DUOX2: variants seen among roughly 807,000 people sequenced by gnomAD.
DUOX2 encodes the protein dual oxidase 2.
A neutral mutation model predicts 183.3 loss-of-function variants in DUOX2; 185 were observed. That is an observed-to-expected ratio of 1.01 (90% confidence interval 0.90 to 1.14). The LOEUF (loss-of-function observed/expected upper bound fraction) is 1.14. Ranked by LOEUF, DUOX2 falls within the 50% of genes most tolerant of loss-of-function variation. The pLI is 0.00. For missense variants in DUOX2, 1,999 were observed against 2,022.9 expected (o/e 0.99, Z 0.23); for synonymous variants, 788 against 812.4 (o/e 0.97, Z 0.51).
chr15:45,101,156 T>G (rs1894071033), intron 22 of DUOX2, 49 bp downstream of exon 22: 1 of 1,550,188 alleles, frequency 6.5e-7, no homozygotes, highest in Non-Finnish European at 8.9e-7. Context: ...TTCATTTCTC[T>G]GCAGGGGGCT....
At chr15:45,107,850 C>CAAAA (rs36025213) in intron 13 of DUOX2, among the ~76,000 whole-genome samples, 197 bp downstream of exon 13, 10 of 48,788 alleles carry the variant, frequency 2.0e-4, no homozygotes, top group African/African-American at 4.8e-4. Flanking sequence ...GACTCTGCCT[C>CAAAA]AAAAAAAAAA....
rs1017335271 is a variant in DUOX2 at position 45,104,244 on chromosome 15, G to A, written c.2456C>T (p.Pro819Leu). 1 of 1,614,072 alleles carries A rather than the reference G, an allele frequency of 6.2e-7. No homozygotes were observed. Among genetic ancestry groups the A allele is most frequent in the Admixed American group, 1.7e-5 (1 of 60,016 alleles). ...CATGGACTCCACAAACATGTCCTGG[G>A]GCTTGAGGCCCAGGGACTCGGCAAA... ...AEFAESLGLK[P>L]QDMFVESMFS... Residue 819 changes from proline (P) to leucine (L), a missense_variant, in exon 19 of 34, where the codon CCC (proline) becomes CTC (leucine). By Grantham distance (98) the Pro-to-Leu change is moderately conservative. Around this residue, in one of 3 missense-constraint regions of DUOX2, gnomAD observed 1,628 missense variants for 1,608.6 expected, o/e 1.01. Transcript: ENST00000389039.
Position 45,100,777 on chromosome 15 carries a change from G to C in DUOX2, c.2983C>G (p.Leu995Val). Residue 995 changes from leucine to valine, a missense_variant, in exon 23 of 34, where the codon CTG becomes GTG. Transcript: ENST00000389039. ...CACTTTTTGCCAAACCTCTTCTTCA[G>C]TCCAGGGCCTCCCAGCTCTGGGGCT... ...PEAPELGGPG[L>V]KKRFGKKAAV... The C allele has an allele frequency of 6.2e-7, 1 of 1,614,114 alleles. No individual in the cohort carries two copies. Among genetic ancestry groups the C allele is most frequent in the Non-Finnish European group, 8.5e-7 (1 of 1,179,984 alleles).
chr15:45,103,881 C>T (rs1158623222), intron 20 of DUOX2, 79 bp downstream of exon 20: 13 of 1,490,036 alleles, frequency 8.7e-6, no homozygotes, highest in Non-Finnish European at 1.1e-5. Context: ...GCCTCTTTGC[C>T]AGCCCTCCTC....
rs777683363 is a variant in DUOX2, at chr15:45,105,748, GC to G, written c.2228del (p.Gly743AlafsTer7). The G allele has an allele frequency of 6.2e-7, 1 of 1,614,212 alleles. No individual in the cohort carries two copies. Among genetic ancestry groups the G allele is most frequent in the South Asian group, 1.1e-5 (1 of 91,084 alleles). On this transcript the variant is annotated frameshift_variant, in exon 18 of 34. Transcript: ENST00000389039. LOFTEE classifies it high-confidence loss of function. ...TCTCGCTCATCTCAGCCACATGGAG[GC>G]CCAGAGCCCAGCGCACGCAGAAGTC... The part of the protein sequence containing the change: ...LWDFCVRWAL[G>X]LHVAEMSEKE...
chr15:45,095,374 C>G (rs1893872517), intron 31 of DUOX2, 63 bp downstream of exon 31: 2 of 1,607,184 alleles, frequency 1.2e-6, no homozygotes, highest in African/African-American at 1.3e-5. Flanking sequence ...TGCTCCACCA[C>G]TTGATGCGGG....
Position 45,101,841 on chromosome 15 carries a change from G to A in DUOX2, c.2803C>T (p.Leu935Phe), listed in dbSNP as rs767244088. 12 of 1,614,096 alleles carry A rather than the reference G, an allele frequency of 7.4e-6. No homozygotes were observed. In the South Asian group the frequency reaches 9.9e-5, roughly 13 times the overall value. The change falls in exon 21 of 34, where the codon CTC (leucine) becomes TTC (phenylalanine). Residue 935 changes from leucine (L) to phenylalanine (F), a missense_variant. Leu to Phe is a conservative substitution (Grantham distance 22, BLOSUM62 0). Transcript: ENST00000389039. ...TTGACACAGAGCTGCGTGAAGCGGA[G>A]CTCGCTGTCATGGTCCCGCAGCATG... ...HFMLRDHDSE[L>F]RFTQLCVKGG...
chr15:45,095,215 C>T, intron 31 of DUOX2, 124 bp from the exon 32 acceptor site: 2 of 1,440,990 alleles, frequency 1.4e-6, no homozygotes, highest in Non-Finnish European at 1.9e-6. Context: ...TGGCAGGACC[C>T]ACCAGCCTGA....
intron 20 of DUOX2, among the ~76,000 whole-genome samples, chr15:45,103,447 T>G (rs2087729044): frequency 6.7e-6 from 1 of 148,752 alleles, no homozygotes; most frequent in African/African-American, 2.4e-5. Flanking sequence ...CACAAAGCTG[T>G]TTTTTTTTAC....
Position 45,107,462 on chromosome 15 carries a change from G to A in DUOX2, c.1576C>T (p.Leu526=). Residue 526 remains leucine, a splice_region_variant and synonymous_variant, in exon 14 of 34, where the codon CTG becomes TTG. Transcript: ENST00000389039. ...RYWFENTRNG[L]FSKKEIEDIR... ...TCTTCAATCTCCTTCTTGGAGAACA[G>A]CCTAAGTTGGAGGAAGTAGAAGTCA... is the stretch of plus-strand genomic sequence containing the variant. 6.2e-7 allele frequency: 1 copy of A among 1,613,942 alleles called. No individual in the cohort carries two copies. Among genetic ancestry groups the A allele is most frequent in the Non-Finnish European group, 8.5e-7 (1 of 1,179,828 alleles).
chr15:45,100,322 G>T, intron 23 of DUOX2, 94 bp from the exon 24 acceptor site: 2 of 1,257,712 alleles, frequency 1.6e-6, no homozygotes, highest in Admixed American at 4.1e-5. Context: ...GATCTGGCAG[G>T]CATCAGGATG....
Position 45,097,391 on chromosome 15 carries a change from G to C in DUOX2, c.3694C>G (p.Leu1232Val). The C allele has an allele frequency of 6.2e-7, 1 of 1,614,252 alleles. No homozygotes were observed. The highest frequency in any genetic ancestry group is 8.5e-7 in the Non-Finnish European group (1 of 1,180,046). The change falls in exon 29 of 34, where the codon CTC (leucine) becomes GTC (valine). Residue 1232 changes from leucine to valine, a missense_variant and splice_region_variant. Transcript: ENST00000389039. The part of the protein sequence containing the change: ...HHLYILLYAL[L>V]IIHGSYALIQ... ...AGAGCATAGCTGCCATGGATGATGA[G>C]CTGGAGACACGGCCAGTTAGTACAA...
At chr15:45,094,460 G>C in intron 33 of DUOX2, 103 bp downstream of exon 33, 2 of 1,535,478 alleles carry the variant, frequency 1.3e-6, no homozygotes, top group South Asian at 1.2e-5. Flanking sequence ...CCAGGCAATC[G>C]GGTGGAGTTC....
chr15:45,109,242 T>C, intron 11 of DUOX2: 1 of 599,490 alleles, frequency 1.7e-6, no homozygotes, highest in Non-Finnish European at 2.9e-6. Context: ...CAGGGCTGAA[T>C]GAAAACCTTT....
rs75594679 is a variant in DUOX2 at position 45,104,587 on chromosome 15, G to A, written c.2335-222C>T. ...CCATTTCTCCCTGGGCCCAAGAACC[G>A]GGAACTTCATGCAGTGGGCATGGTG... On this transcript the variant is annotated intron_variant, in intron 18 of 33. Transcript: ENST00000389039. 2.1e-3 allele frequency among the ~76,000 whole-genome samples: 318 copies of A among 152,262 alleles called. 1 individual carries two copies. The highest frequency in any genetic ancestry group is 6.6e-3 in the African/African-American group (274 of 41,542).
At chr15:45,109,437 G>A in intron 11 of DUOX2, 87 bp downstream of exon 11, 7 of 1,109,872 alleles carry the variant, frequency 6.3e-6, no homozygotes, top group Non-Finnish European at 9.7e-6. Flanking sequence ...TGCATCGTGA[G>A]CGCCCTAGGT....
At chr15:45,107,523 C>G in intron 13 of DUOX2, 60 bp from the exon 14 acceptor site, 1 of 1,573,090 alleles carries the variant, frequency 6.4e-7, no homozygotes, top group Admixed American at 1.7e-5. Flanking sequence ...TCCAGCAACC[C>G]CAGGCCCAAG....
intron 15 of DUOX2, 81 bp downstream of exon 15, chr15:45,106,751 C>CT: frequency 6.2e-7 from 1 of 1,605,716 alleles, no homozygotes; most frequent in Non-Finnish European, 8.5e-7. Flanking sequence ...TGGTCTCAAA[C>CT]GGTACCAAAT....
In DUOX2 at chr15:45,094,541, G is replaced by A. The variant is rs1463291609; in HGVS notation, c.4524+22C>T. On this transcript the variant is annotated intron_variant, in intron 33 of 33. Transcript: ENST00000389039. ...TGGCAGGAGAAGGCCAGAGTCCCAGGGTGGGAGGGAGTGGGACTGACCTGT... is the reference window on the plus strand; with the variant it reads ...TGGCAGGAGAAGGCCAGAGTCCCAGAGTGGGAGGGAGTGGGACTGACCTGT... The A allele has an allele frequency of 2.5e-6, 4 of 1,607,166 alleles. No homozygotes were observed. The Admixed American group carries it at 5.1e-5, about 20-fold the overall frequency.
Sources: allele counts gnomAD v4.1 joint callset (sites outside exome capture counted in the v4.1 genomes callset), GRCh38; gene constraint gnomAD v4.1.1; regional missense constraint gnomAD v4.1.1; transcripts MANE v1.5; gene names NCBI Gene and HGNC (gene_info 2026-07-23, HGNC 2026-07-21).